MAN1A1: variants seen among roughly 807,000 people sequenced by gnomAD.
MAN1A1 encodes the protein mannosyl-oligosaccharide 1,2-alpha-mannosidase IA.
In MAN1A1, 29 loss-of-function variants were observed where a neutral mutation model predicts 70.8. The observed-to-expected ratio is 0.41, with a 90% confidence interval of 0.31 to 0.56. The LOEUF (loss-of-function observed/expected upper bound fraction) is 0.56, where lower values mean the gene tolerates loss of function less well. Ranked by LOEUF, MAN1A1 falls within the 20% of genes least tolerant of loss-of-function variation. MAN1A1 has a pLI of 0.29. For missense variants in MAN1A1, 747 were observed against 841.3 expected, an observed-to-expected ratio of 0.89 and a Z score of 1.39; for synonymous variants, 349 against 330.1, an observed-to-expected ratio of 1.06 and a Z score of -0.62.
chr6:119,346,821 G>A (rs183975299), intron 2 of MAN1A1, among the ~76,000 whole-genome samples: 4 of 152,330 alleles, frequency 2.6e-5, no homozygotes, highest in Admixed American at 6.5e-5. Flanking sequence ...GGCATGAAAT[G>A]TATGAATTAC....
chr6:119,331,931 C>T, intron 2 of MAN1A1: 1 of 508,468 alleles, frequency 2.0e-6, no homozygotes. Context: ...AGGGACCAGA[C>T]AGACCTGGAT....
intron 4 of MAN1A1, among the ~76,000 whole-genome samples, chr6:119,291,283 G>A (rs1482069981): frequency 3.9e-5 from 6 of 151,908 alleles, no homozygotes; most frequent in Admixed American, 2.0e-4. Flanking sequence ...CTAGCCTTCC[G>A]CCATGATTGT....
At chr6:119,245,093 G>T (rs551956113) in intron 6 of MAN1A1, among the ~76,000 whole-genome samples, 1 of 152,180 alleles carries the variant, frequency 6.6e-6, no homozygotes, top group Non-Finnish European at 1.5e-5. Flanking sequence ...AAATTGAGAG[G>T]GAAGAGCAGA....
chr6:119,338,828 T>C (rs1031581005), intron 2 of MAN1A1, among the ~76,000 whole-genome samples: 1 of 152,222 alleles, frequency 6.6e-6, no homozygotes, highest in Non-Finnish European at 1.5e-5. Flanking sequence ...AAGGATATTT[T>C]ATTCTAAGTG....
At chr6:119,213,696 G>C (rs9489624) in intron 6 of MAN1A1, among the ~76,000 whole-genome samples, 70,133 of 151,994 alleles carry the variant, frequency 0.46, 16,836 homozygotes, top group East Asian at 0.77. Context: ...ACTACCACCA[G>C]CGCTCCCTCA....
chr6:119,198,928 T>G (rs1773644314), intron 8 of MAN1A1, among the ~76,000 whole-genome samples: 1 of 152,240 alleles, frequency 6.6e-6, no homozygotes, highest in Non-Finnish European at 1.5e-5. Context: ...TAAAGGTTAA[T>G]TGCATTGTAA....
intron 2 of MAN1A1, among the ~76,000 whole-genome samples, chr6:119,320,748 C>A (rs1416946798): frequency 6.6e-6 from 1 of 151,816 alleles, no homozygotes; most frequent in African/African-American, 2.4e-5. Flanking sequence ...AATATTTGAC[C>A]AAAATCAAAT....
In MAN1A1 at chr6:119,178,874, A is replaced by G. The variant is rs1045499698; in HGVS notation, c.*945T>C. 3 of 152,266 alleles carry G rather than the reference A, an allele frequency of 2.0e-5. No individual in the cohort carries two copies. Among genetic ancestry groups the G allele is most frequent in the South Asian group, 4.1e-4 (2 of 4,830 alleles). 9.4% of individuals were successfully genotyped at this position (152,266 alleles called of 1,614,324 possible). On this transcript the variant is annotated 3_prime_UTR_variant, in exon 13 of 13. Coordinates refer to ENST00000368468, the MANE Select transcript of MAN1A1 (RefSeq NM_005907.4). ...AACCAAATAGAATGCTTTATTTTCCAAAGAAAAAAATCAAGATGAAATACA... is the reference window on the plus strand; with the variant it reads ...AACCAAATAGAATGCTTTATTTTCCGAAGAAAAAAATCAAGATGAAATACA...
intron 2 of MAN1A1, among the ~76,000 whole-genome samples, chr6:119,330,791 G>A (rs572862513): frequency 7.9e-5 from 12 of 152,074 alleles, no homozygotes; most frequent in African/African-American, 2.9e-4. Context: ...GCCTGCAACC[G>A]GCTAATTCCC....
intron 6 of MAN1A1, among the ~76,000 whole-genome samples, chr6:119,205,097 A>G (rs1308913874): frequency 1.3e-5 from 2 of 152,194 alleles, no homozygotes; most frequent in East Asian, 1.9e-4. Flanking sequence ...CTTAATTTAG[A>G]AAAAAGCTGC....
intron 6 of MAN1A1, among the ~76,000 whole-genome samples, chr6:119,245,351 G>A (rs1428457681): frequency 6.6e-6 from 1 of 152,096 alleles, no homozygotes; most frequent in African/African-American, 2.4e-5. Context: ...CCAAAACTAC[G>A]AAAGCAGCTC....
At chr6:119,339,936 C>T (rs1224103424) in intron 2 of MAN1A1, among the ~76,000 whole-genome samples, 1 of 151,980 alleles carries the variant, frequency 6.6e-6, no homozygotes, top group Non-Finnish European at 1.5e-5. Context: ...ACCAAAAATA[C>T]AAAAATTAGC....
At chr6:119,331,822 C>G (rs1438465992) in intron 2 of MAN1A1, 1 of 288,364 alleles carries the variant, frequency 3.5e-6, no homozygotes, top group Non-Finnish European at 7.0e-6. Flanking sequence ...AACAGGAGTC[C>G]TGATTCTTTA....
intron 2 of MAN1A1, among the ~76,000 whole-genome samples, chr6:119,343,790 C>G (rs1474348319): frequency 1.3e-5 from 2 of 152,200 alleles, no homozygotes; most frequent in Non-Finnish European, 2.9e-5. Flanking sequence ...TAATCAAACC[C>G]TTCTTTGACC....
At chr6:119,271,918 A>G (rs1163911160) in intron 5 of MAN1A1, among the ~76,000 whole-genome samples, 1 of 152,204 alleles carries the variant, frequency 6.6e-6, no homozygotes, top group African/African-American at 2.4e-5. Context: ...CTCCAGTTAC[A>G]TGTTCTCAGA....
intron 5 of MAN1A1, among the ~76,000 whole-genome samples, chr6:119,253,404 G>A (rs1251198965): frequency 2.6e-5 from 4 of 152,198 alleles, no homozygotes; most frequent in Admixed American, 6.5e-5. Context: ...GACAACGCCC[G>A]ACTGCACGTT....
At chr6:119,332,520 G>T (rs1773346612) in intron 2 of MAN1A1, among the ~76,000 whole-genome samples, 1 of 152,112 alleles carries the variant, frequency 6.6e-6, no homozygotes, top group Non-Finnish European at 1.5e-5. Context: ...AATAGCTGAG[G>T]TTTAAGAGCC....
chr6:119,286,044 T>C (rs969765793), intron 5 of MAN1A1, among the ~76,000 whole-genome samples: 6 of 152,202 alleles, frequency 3.9e-5, no homozygotes, highest in African/African-American at 1.4e-4. Flanking sequence ...GCTAACCTTA[T>C]CTGAAACTTT....
chr6:119,244,410 A>G (rs1775108586), intron 6 of MAN1A1, among the ~76,000 whole-genome samples: 1 of 152,132 alleles, frequency 6.6e-6, no homozygotes, highest in African/African-American at 2.4e-5. Context: ...GAAACATGTT[A>G]GTCTAGTGAG....
Sources: allele counts gnomAD v4.1 joint callset (sites outside exome capture counted in the v4.1 genomes callset), GRCh38; gene constraint gnomAD v4.1.1; transcripts MANE v1.5; gene names NCBI Gene and HGNC (gene_info 2026-07-23, HGNC 2026-07-21).